The following IARS1 variants were observed in gnomAD, a reference collection of about 807,000 sequenced individuals.
IARS1 encodes isoleucine--tRNA ligase, cytoplasmic.
IARS1 carries 124 observed loss-of-function variants against 168.2 expected under a neutral mutation model. The ratio of observed to expected loss-of-function variants is 0.74; its 90% CI spans 0.64 to 0.86. The LOEUF is 0.86. Among genes scored for constraint, IARS1 ranks in the 40% least tolerant of loss-of-function variants. The pLI is 0.00. For synonymous variants in IARS1, 532 were observed against 529.4 expected, an observed-to-expected ratio of 1.00 and a Z score of -0.07; for missense variants, 1,452 against 1,515.8, an observed-to-expected ratio of 0.96 and a Z score of 0.70.
rs145736025 is a variant in IARS1, at chr9:92,281,247, C to T, written c.598-354G>A. 2.8e-3 allele frequency among the ~76,000 whole-genome samples: 420 copies of T among 151,622 alleles called. 2 individuals carry two copies. The Middle Eastern group carries it at 0.034, about 12-fold the overall frequency. ...CTCCTGGGTTCAAGTGATTCTTGTG[C>T]CTCAGCCTCCCGAGTAGCTGGGATT... On this transcript the variant is annotated intron_variant, in intron 6 of 33. Transcript: ENST00000443024.
intron 16 of IARS1, among the ~76,000 whole-genome samples, chr9:92,264,132 C>T (rs907677087): frequency 1.3e-5 from 2 of 152,044 alleles, no homozygotes; most frequent in Non-Finnish European, 2.9e-5. Flanking sequence ...GTCAGGAGTT[C>T]GAGACCAGCC....
At chr9:92,261,606 A>G (rs1174472417) in intron 17 of IARS1, among the ~76,000 whole-genome samples, 4 of 152,224 alleles carry the variant, frequency 2.6e-5, no homozygotes, top group African/African-American at 9.6e-5. Context: ...TCTGAATACG[A>G]TTAGTGGGCT....
intron 18 of IARS1, 78 bp from the exon 19 acceptor site, chr9:92,259,076 G>C: frequency 7.8e-7 from 1 of 1,283,632 alleles, no homozygotes; most frequent in Non-Finnish European, 1.1e-6. Flanking sequence ...TATTGAGAGA[G>C]CAAGATGAAA....
intron 7 of IARS1, among the ~76,000 whole-genome samples, chr9:92,278,840 T>C (rs968307490): frequency 1.3e-5 from 2 of 152,224 alleles, no homozygotes; most frequent in Non-Finnish European, 2.9e-5. Flanking sequence ...AAGAGCTCTA[T>C]GGGACGCTAT....
chr9:92,284,422 C>T (rs1835119421), intron 6 of IARS1, among the ~76,000 whole-genome samples: 1 of 152,126 alleles, frequency 6.6e-6, no homozygotes, highest in Non-Finnish European at 1.5e-5. Flanking sequence ...AATGGGCCTA[C>T]AGAAATTAAT....
intron 1 of IARS1, chr9:92,293,383 A>G (rs1204593320): frequency 2.1e-6 from 1 of 479,244 alleles, no homozygotes; most frequent in East Asian, 5.8e-5. Context: ...AGTCACAGCT[A>G]TATCAATTTA....
intron 29 of IARS1, among the ~76,000 whole-genome samples, chr9:92,241,208 C>T (rs987511599): frequency 2.0e-5 from 3 of 152,140 alleles, no homozygotes; most frequent in Non-Finnish European, 2.9e-5. Context: ...ATGCAAAATA[C>T]AAAATGAAAC....
intron 21 of IARS1, among the ~76,000 whole-genome samples, chr9:92,252,933 C>G (rs571854958): frequency 2.0e-4 from 30 of 152,024 alleles, no homozygotes; most frequent in Non-Finnish European, 3.7e-4. Context: ...TCATCCTAAA[C>G]CCCCAACAGC....
chr9:92,225,899 A>G (rs558983892), intron 31 of IARS1, among the ~76,000 whole-genome samples: 1 of 152,346 alleles, frequency 6.6e-6, no homozygotes, highest in African/African-American at 2.4e-5. Context: ...TGGGACAGTG[A>G]GCAGCCCACG....
intron 25 of IARS1, 103 bp downstream of exon 25, chr9:92,249,755 T>C: frequency 1.7e-6 from 1 of 597,940 alleles, no homozygotes; most frequent in Admixed American, 2.8e-5. Flanking sequence ...ATGACTATAC[T>C]AATAAAAATA....
intron 33 of IARS1, among the ~76,000 whole-genome samples, chr9:92,213,129 T>A (rs909833699): frequency 2.4e-4 from 35 of 147,106 alleles, no homozygotes; most frequent in South Asian, 4.3e-4. Context: ...CAACTAAATT[T>A]AAAAAAAAAA....
At position 92,288,157 on chromosome 9, in the gene IARS1, C is replaced by A. The variant is rs749392608; in HGVS notation, c.245G>T (p.Arg82Ile). 6.2e-7 allele frequency: 1 copy of A among 1,613,918 alleles called. No individual in the cohort carries two copies. Among genetic ancestry groups the A allele is most frequent in the African/African-American group, 1.3e-5 (1 of 74,916 alleles). Residue 82 changes from arginine (R) to isoleucine (I), a missense_variant, in exon 3 of 34, where the codon AGA becomes ATA. Physicochemically the swap from Arg to Ile is moderately conservative, Grantham distance 97. Coordinates refer to ENST00000443024, the MANE Select transcript of IARS1 (RefSeq NM_002161.6). ...AHQSGFHVDR[R>I]FGWDCHGLPV... ...TAAGCCATGGCAATCCCATCCAAAT[C>A]TTCTGTCAACATGAAACCCACTCTG...
chr9:92,263,181 A>G (rs760677148), intron 16 of IARS1, 126 bp from the exon 17 acceptor site: 7 of 655,366 alleles, frequency 1.1e-5, no homozygotes, highest in Non-Finnish European at 1.9e-5. Flanking sequence ...ACTTAAAGCA[A>G]TGATTCTTAA....
intron 29 of IARS1, among the ~76,000 whole-genome samples, chr9:92,241,826 T>C (rs1405050704): frequency 1.3e-5 from 2 of 152,222 alleles, no homozygotes; most frequent in African/African-American, 2.4e-5. Flanking sequence ...CCAATTGCTA[T>C]TTACTTTTAA....
At chr9:92,259,454 T>G (rs1038913697) in intron 18 of IARS1, among the ~76,000 whole-genome samples, 1 of 152,096 alleles carries the variant, frequency 6.6e-6, no homozygotes. Flanking sequence ...CTGCTAAACA[T>G]CCTACAAAGA....
intron 7 of IARS1, among the ~76,000 whole-genome samples, chr9:92,279,834 T>C (rs1243220196): frequency 6.6e-6 from 1 of 152,178 alleles, no homozygotes; most frequent in East Asian, 1.9e-4. Context: ...ACCATTCTAC[T>C]AGTCTTTGCT....
At chr9:92,230,736 AATGT>A (rs1208780552) in intron 30 of IARS1, among the ~76,000 whole-genome samples, 1 of 152,246 alleles carries the variant, frequency 6.6e-6, no homozygotes, top group Non-Finnish European at 1.5e-5. Context: ...TCTCACCAGC[AATGT>A]ATGAGATACA....
chr9:92,219,950 T>C (rs1587696864), intron 33 of IARS1, among the ~76,000 whole-genome samples: 1 of 151,888 alleles, frequency 6.6e-6, no homozygotes, highest in East Asian at 1.9e-4. Flanking sequence ...ATCATGCTGC[T>C]ATAAAGACAC....
intron 6 of IARS1, 88 bp downstream of exon 6, chr9:92,285,634 T>C (rs979600864): frequency 7.8e-6 from 6 of 765,708 alleles, no homozygotes; most frequent in Non-Finnish European, 1.1e-5. Flanking sequence ...CCACACTGGG[T>C]CTACTTGGGA....
Sources: allele counts gnomAD v4.1 joint callset (sites outside exome capture counted in the v4.1 genomes callset), GRCh38; gene constraint gnomAD v4.1.1; transcripts MANE v1.5; gene names NCBI Gene and HGNC (gene_info 2026-07-23, HGNC 2026-07-21).